ABCA9: variants seen among roughly 807,000 people sequenced by gnomAD.
The protein encoded by ABCA9 is ATP-binding cassette sub-family A member 9.
In ABCA9, 183 loss-of-function variants were observed where a neutral mutation model predicts 205.3. That is an observed-to-expected ratio of 0.89 (90% CI 0.79 to 1.01). ABCA9 has a LOEUF of 1.01. Among genes scored for constraint, ABCA9 ranks in the 50% least tolerant of loss-of-function variants. The pLI is 0.00. For missense variants in ABCA9, 1,805 were observed against 1,912.4 expected, an observed-to-expected ratio of 0.94 and a Z score of 1.05; for synonymous variants, 651 against 683.3, an observed-to-expected ratio of 0.95 and a Z score of 0.74.
At chr17:68,999,423 A>G (rs1233070777) in intron 25 of ABCA9, among the ~76,000 whole-genome samples, 3 of 142,982 alleles carry the variant, frequency 2.1e-5, no homozygotes, top group Non-Finnish European at 4.5e-5. Context: ...GATGGTTTCC[A>G]ATTTCATCCA....
the ABCA9 span, among the ~76,000 whole-genome samples, chr17:69,077,121 T>G: frequency 6.6e-6 from 1 of 152,212 alleles, no homozygotes; most frequent in African/African-American, 2.4e-5. Flanking sequence ...TTTACATCTT[T>G]CTAACTTTTC....
Position 69,023,878 on chromosome 17 carries a change from T to C in ABCA9, c.2281+336A>G, listed in dbSNP as rs1353775717. Among the ~76,000 whole-genome samples the C allele has an allele frequency of 6.6e-6, 1 of 152,174 alleles. No individual in the cohort carries two copies. The highest frequency in any genetic ancestry group is 1.9e-4 in the East Asian group (1 of 5,202). On this transcript the variant is annotated intron_variant, in intron 17 of 38. Coordinates refer to ENST00000340001, the MANE Select transcript of ABCA9 (RefSeq NM_080283.4). This position sits in a 1 kb window ranked among gnomAD's most constrained non-coding sequence, Gnocchi z 4.2. ...TCGATAGTCTGCCACTGTATTTATA[T>C]ACCTGTTCCTGCCCTGACCACACTC... is the stretch of plus-strand genomic sequence containing the variant.
chr17:69,060,422 T>G (rs1349000092), intron 1 of ABCA9, among the ~76,000 whole-genome samples: 1 of 152,148 alleles, frequency 6.6e-6, no homozygotes, highest in Non-Finnish European at 1.5e-5. Flanking sequence ...TTTCCTTAAG[T>G]TTTCTTGATG....
chr17:69,009,295 A>C (rs992616945), intron 23 of ABCA9, among the ~76,000 whole-genome samples: 2 of 152,148 alleles, frequency 1.3e-5, no homozygotes, highest in Admixed American at 6.6e-5. Context: ...CAGGTCAGAG[A>C]AGGTTCCCTT....
chr17:69,044,630 G>T, intron 4 of ABCA9, 30 bp from the exon 5 acceptor site: 1 of 1,590,410 alleles, frequency 6.3e-7, no homozygotes, highest in South Asian at 1.1e-5. Context: ...CCATTATTAC[G>T]GAATGATACA....
chr17:68,989,673 C>A, intron 30 of ABCA9, 140 bp downstream of exon 30: 1 of 571,548 alleles, frequency 1.7e-6, no homozygotes, highest in South Asian at 2.6e-5. Context: ...ATCATTTCAA[C>A]TGAGGCTTTT....
intron 30 of ABCA9, among the ~76,000 whole-genome samples, chr17:68,989,528 G>A (rs1193190898): frequency 2.6e-5 from 4 of 152,124 alleles, no homozygotes; most frequent in African/African-American, 9.7e-5. Flanking sequence ...AGTATTCGCT[G>A]CAATAACATT....
intron 22 of ABCA9, among the ~76,000 whole-genome samples, chr17:69,014,262 G>A (rs1393907724): frequency 6.6e-6 from 1 of 152,092 alleles, no homozygotes; most frequent in Non-Finnish European, 1.5e-5. Context: ...CTGACCTCAT[G>A]TGAAGGGTCA....
intron 25 of ABCA9, among the ~76,000 whole-genome samples, chr17:69,005,690 C>T (rs2070102971): frequency 6.6e-6 from 1 of 152,182 alleles, no homozygotes; most frequent in African/African-American, 2.4e-5. Context: ...GGTTCTCTGT[C>T]TACATACCTA....
At chr17:69,070,652 C>G in the ABCA9 span, among the ~76,000 whole-genome samples, 1 of 152,166 alleles carries the variant, frequency 6.6e-6, no homozygotes, top group Admixed American at 6.5e-5. Context: ...GTTTCAAGCA[C>G]AAAGCTGGAT....
intron 37 of ABCA9, among the ~76,000 whole-genome samples, chr17:68,977,211 C>T (rs1056608822): frequency 3.3e-5 from 5 of 151,878 alleles, no homozygotes; most frequent in African/African-American, 7.3e-5. Flanking sequence ...TCACAGGAGC[C>T]GCCAGGTGGT....
chr17:69,077,734 T>C, the ABCA9 span, among the ~76,000 whole-genome samples: 4 of 152,176 alleles, frequency 2.6e-5, no homozygotes, highest in African/African-American at 9.7e-5. Context: ...TCTTGTTGAA[T>C]TGAACCCCTT....
At chr17:69,045,385 C>A in intron 3 of ABCA9, 49 bp from the exon 4 acceptor site, 1 of 1,554,624 alleles carries the variant, frequency 6.4e-7, no homozygotes, top group South Asian at 1.2e-5. Flanking sequence ...AAAATCTCTA[C>A]CTGGCCATAT....
chr17:69,017,394 A>T (rs1476771943), intron 21 of ABCA9, among the ~76,000 whole-genome samples: 1 of 152,150 alleles, frequency 6.6e-6, no homozygotes, highest in Non-Finnish European at 1.5e-5. Context: ...ATTGGAATGG[A>T]ATCCAATTGA....
chr17:69,021,924 A>G, intron 17 of ABCA9, 63 bp from the exon 18 acceptor site: 1 of 1,237,198 alleles, frequency 8.1e-7, no homozygotes, highest in East Asian at 2.6e-5. Flanking sequence ...ATATTTCTCA[A>G]AAATGTAAAA....
chr17:69,076,346 C>A, the ABCA9 span, among the ~76,000 whole-genome samples: 9 of 152,022 alleles, frequency 5.9e-5, no homozygotes, highest in African/African-American at 1.9e-4. Context: ...GTTGAACCAA[C>A]CTTGTATCCC....
At chr17:68,987,774 G>GTTT (rs891397484) in intron 31 of ABCA9, among the ~76,000 whole-genome samples, 1 of 142,752 alleles carries the variant, frequency 7.0e-6, no homozygotes, top group African/African-American at 2.7e-5. Flanking sequence ...TTGTTTTTTT[G>GTTT]TTTGAGATGG....
intron 25 of ABCA9, among the ~76,000 whole-genome samples, chr17:69,006,714 G>T (rs993309733): frequency 2.6e-5 from 4 of 151,952 alleles, no homozygotes; most frequent in African/African-American, 9.7e-5. Context: ...GTAGTTTTGG[G>T]GAAGTGCTCA....
rs1036242117 is a variant in ABCA9 at position 69,057,712 on chromosome 17, G to A, written c.-14+3154C>T. Among the ~76,000 whole-genome samples the A allele has an allele frequency of 5.3e-5, 8 of 152,302 alleles. No individual in the cohort carries two copies. In the East Asian group the frequency reaches 1.5e-3, roughly 29 times the overall value. ...ATTTATACTCTTTCATGTTAACACA[G>A]CTCAAAAACTATAGTCACCCATTTG... On this transcript the variant is annotated intron_variant, in intron 1 of 38. Transcript: ENST00000340001.
Sources: allele counts gnomAD v4.1 joint callset (sites outside exome capture counted in the v4.1 genomes callset), GRCh38; gene constraint gnomAD v4.1.1; non-coding constraint Gnocchi (gnomAD v3.1); transcripts MANE v1.5; gene names NCBI Gene and HGNC (gene_info 2026-07-23, HGNC 2026-07-21).